The following LINGO2 variants were observed in gnomAD, a reference collection of about 807,000 sequenced individuals.
The protein encoded by LINGO2 is leucine rich repeat and Ig domain containing 2.
Under a neutral mutation model 30.6 loss-of-function variants are expected in LINGO2, and 14 were observed. The ratio of observed to expected loss-of-function variants is 0.46; its 90% CI spans 0.30 to 0.72. LINGO2 has a LOEUF of 0.72. LINGO2 is among the 30% of genes least tolerant of loss of function. The probability of loss-of-function intolerance (pLI) is 0.07; values close to 1 mark genes in which losing one functional copy is unlikely to be tolerated. For synonymous variants in LINGO2, 317 were observed against 288.5 expected (o/e 1.10, Z -1.00); for missense variants, 729 against 751.7 (o/e 0.97, Z 0.35).
chr9:28,792,548 T>C, the LINGO2 span, among the ~76,000 whole-genome samples: 2 of 152,232 alleles, frequency 1.3e-5, no homozygotes, highest in East Asian at 3.9e-4. Flanking sequence ...ACTAGTCTTA[T>C]TTTAGGTAGT....
chr9:28,368,594 C>CTTTTTTTTT (rs60310040), intron 3 of LINGO2, among the ~76,000 whole-genome samples: 1 of 123,598 alleles, frequency 8.1e-6, no homozygotes, highest in African/African-American at 2.8e-5. Context: ...CTTTTCTTTT[C>CTTTTTTTTT]TTTTTTTTTT....
rs10968544 is a variant in LINGO2, at chr9:28,380,463, G to C, written c.-278-7595C>G. ...TGGAGAAAAAGTCCATGAAAAATTG[G>C]TTAATGGAAATAGATGGAGAAGTAG... On this transcript the variant is annotated intron_variant, in intron 2 of 5. Coordinates refer to ENST00000379992, the Ensembl canonical transcript of LINGO2. Among the ~76,000 whole-genome samples the C allele has an allele frequency of 4.2e-3, 630 of 150,962 alleles. 24 individuals carry two copies. The highest frequency in any genetic ancestry group is 0.039 in the Admixed American group (582 of 15,052).
the LINGO2 span, among the ~76,000 whole-genome samples, chr9:29,003,388 A>G: frequency 6.6e-6 from 1 of 152,010 alleles, no homozygotes; most frequent in Non-Finnish European, 1.5e-5. Context: ...AGTGACTATC[A>G]TTATCCCACA....
intron 4 of LINGO2, among the ~76,000 whole-genome samples, chr9:28,033,648 CA>C (rs886328058): frequency 7.1e-4 from 105 of 148,516 alleles, no homozygotes; most frequent in East Asian, 1.4e-3. Flanking sequence ...TTTATAATGG[CA>C]AAAAAAAAAT....
chr9:28,714,225 A>T, the LINGO2 span, among the ~76,000 whole-genome samples: 1 of 149,300 alleles, frequency 6.7e-6, no homozygotes, highest in Non-Finnish European at 1.5e-5. Flanking sequence ...ACATATACAT[A>T]TATATATATC....
chr9:28,605,985 A>G (rs758709160), intron 1 of LINGO2, among the ~76,000 whole-genome samples: 4 of 151,934 alleles, frequency 2.6e-5, no homozygotes, highest in Non-Finnish European at 4.4e-5. Flanking sequence ...TGCGCCTTCC[A>G]TCTCAAGTAT....
At chr9:28,099,957 C>A (rs1328179230) in intron 4 of LINGO2, among the ~76,000 whole-genome samples, 1 of 152,152 alleles carries the variant, frequency 6.6e-6, no homozygotes, top group Non-Finnish European at 1.5e-5. Flanking sequence ...ATTACTTCTA[C>A]AAATAATATG....
At chr9:28,345,592 C>A (rs1482049272) in intron 3 of LINGO2, among the ~76,000 whole-genome samples, 3 of 152,130 alleles carry the variant, frequency 2.0e-5, no homozygotes, top group Admixed American at 2.0e-4. Flanking sequence ...TCTAAAATTT[C>A]ATCACAACAT....
chr9:28,319,773 T>A (rs559906218), intron 3 of LINGO2, among the ~76,000 whole-genome samples: 1 of 152,280 alleles, frequency 6.6e-6, no homozygotes, highest in South Asian at 2.1e-4. Flanking sequence ...ATGTTTTACA[T>A]CTTTCTTCTG....
intron 5 of LINGO2, among the ~76,000 whole-genome samples, chr9:27,977,813 CAAG>C (rs1820674476): frequency 6.6e-6 from 1 of 150,602 alleles, no homozygotes; most frequent in Non-Finnish European, 1.5e-5. Context: ...GAAGAGAAAA[CAAG>C]AAACAATTCA....
chr9:28,173,093 C>T (rs1828648183), intron 4 of LINGO2, among the ~76,000 whole-genome samples: 1 of 152,126 alleles, frequency 6.6e-6, no homozygotes, highest in Non-Finnish European at 1.5e-5. Context: ...TCAAAATACT[C>T]TCATTGATTG....
the LINGO2 span, among the ~76,000 whole-genome samples, chr9:28,782,276 A>C: frequency 1.3e-5 from 2 of 152,216 alleles, no homozygotes; most frequent in African/African-American, 4.8e-5. Flanking sequence ...TAGAAACTCA[A>C]AATGAGACTG....
At chr9:28,664,996 C>CATATAT (rs10527878) in intron 1 of LINGO2, among the ~76,000 whole-genome samples, 1,135 of 96,068 alleles carry the variant, frequency 0.012, 35 homozygotes, top group East Asian at 0.02. Flanking sequence ...TATGTGTTTA[C>CATATAT]ATATATATAT....
the LINGO2 span, among the ~76,000 whole-genome samples, chr9:28,740,591 T>G: frequency 6.6e-6 from 1 of 151,926 alleles, no homozygotes; most frequent in African/African-American, 2.4e-5. Context: ...TTTTTTAATT[T>G]CTGTTTCTCT....
At chr9:28,634,714 G>C (rs1827175075) in intron 1 of LINGO2, among the ~76,000 whole-genome samples, 1 of 151,874 alleles carries the variant, frequency 6.6e-6, no homozygotes, top group African/African-American at 2.4e-5. Flanking sequence ...TCAAACTGTT[G>C]ACCTCAAGTG....
the LINGO2 span, among the ~76,000 whole-genome samples, chr9:28,769,289 T>A: frequency 6.6e-6 from 1 of 150,984 alleles, no homozygotes; most frequent in Non-Finnish European, 1.5e-5. Context: ...TAAAATGTGT[T>A]CTCTAGATTT....
At chr9:28,490,005 CT>C (rs1228241139) in intron 1 of LINGO2, among the ~76,000 whole-genome samples, 1 of 148,862 alleles carries the variant, frequency 6.7e-6, no homozygotes, top group Non-Finnish European at 1.5e-5. Context: ...TTTATATAAT[CT>C]TTTATAAGAT....
At chr9:27,939,390 CCAGCAACTTTCTTACAGAA>C in the LINGO2 span, 4 of 152,226 alleles carry the variant, frequency 2.6e-5, no homozygotes, top group Non-Finnish European at 5.9e-5. Flanking sequence ...TGCGTTAAAG[CCAGCAACTTTCTTACAGAA>C]CTGCCATGAA....
At chr9:28,465,712 C>A (rs1825274927) in intron 2 of LINGO2, among the ~76,000 whole-genome samples, 1 of 152,132 alleles carries the variant, frequency 6.6e-6, no homozygotes, top group Non-Finnish European at 1.5e-5. Flanking sequence ...AACTACCCTT[C>A]TGAAAAGGGA....
Sources: gnomAD v4.1 joint callset for allele counts (sites outside exome capture counted in the v4.1 genomes callset) on GRCh38, gnomAD v4.1.1 for gene constraint, MANE v1.5 for transcripts, NCBI Gene and HGNC (gene_info 2026-07-23, HGNC 2026-07-21) for gene names.